The following TNS1 variants were observed in gnomAD, a reference collection of about 807,000 sequenced individuals.
TNS1 encodes tensin-1.
TNS1 carries 62 observed loss-of-function variants against 168.6 expected under a neutral mutation model. The observed-to-expected ratio is 0.37, with a 90% CI of 0.30 to 0.45. The LOEUF is 0.45. Ranked by LOEUF, TNS1 falls within the 20% of genes least tolerant of loss-of-function variation. TNS1 has a pLI of 1.00. For synonymous variants in TNS1, 934 were observed against 933.2 expected, an observed-to-expected ratio of 1.00 and a Z score of -0.02; for missense variants, 2,240 against 2,339.4, an observed-to-expected ratio of 0.96 and a Z score of 0.88.
intron 31 of TNS1, 47 bp downstream of exon 31, chr2:217,808,556 A>C (rs1259871532): frequency 6.5e-7 from 1 of 1,532,204 alleles, no homozygotes; most frequent in Non-Finnish European, 9.0e-7. Context: ...CACAGACGTC[A>C]GTGTTAGAAA....
chr2:217,983,562 C>G (rs980515469), intron 2 of TNS1, among the ~76,000 whole-genome samples: 3 of 152,324 alleles, frequency 2.0e-5, no homozygotes, highest in Non-Finnish European at 4.4e-5. Flanking sequence ...GCTGGGCTGC[C>G]GGTACTCTGT....
At chr2:217,911,914 C>G (rs1163600866) in intron 4 of TNS1, among the ~76,000 whole-genome samples, 1 of 152,222 alleles carries the variant, frequency 6.6e-6, no homozygotes, top group Non-Finnish European at 1.5e-5. Context: ...AACCATACTT[C>G]CACAGAAAGA....
rs954815550 is a variant in TNS1, at chr2:217,800,048, G to A, written c.*4411C>T. The A allele has an allele frequency of 3.3e-5, 5 of 152,256 alleles. No homozygotes were observed. Among genetic ancestry groups the A allele is most frequent in the Non-Finnish European group, 2.9e-5 (2 of 68,040 alleles). The allele number at this position is 152,256 out of a possible 1,614,324, so 9.4% of individuals were successfully genotyped here. ...CTTGTTTCCCCCGCAGAGGGCCTGG[G>A]AGGCAGGGAGGGTGGTGGGAAGGGA... On this transcript the variant is annotated 3_prime_UTR_variant, in exon 33 of 33. Transcript: ENST00000682258.
chr2:217,938,747 A>G (rs898513920), intron 3 of TNS1, among the ~76,000 whole-genome samples: 2 of 152,176 alleles, frequency 1.3e-5, no homozygotes, highest in Non-Finnish European at 2.9e-5. Flanking sequence ...GCTGGTTTAT[A>G]ATAATGCATC....
At chr2:218,009,511 C>T (rs1222639024) in intron 1 of TNS1, among the ~76,000 whole-genome samples, 1 of 151,728 alleles carries the variant, frequency 6.6e-6, no homozygotes, top group East Asian at 1.9e-4. Flanking sequence ...GACCCCTGCT[C>T]CCGCCCCCAG....
chr2:217,896,137 G>C (rs1447691461), intron 8 of TNS1, among the ~76,000 whole-genome samples: 1 of 152,226 alleles, frequency 6.6e-6, no homozygotes, highest in Non-Finnish European at 1.5e-5. Flanking sequence ...AGAAGCTAGG[G>C]CTTAGTGAGG....
chr2:217,830,441 C>A (rs1006110002), intron 22 of TNS1: 5 of 1,604,238 alleles, frequency 3.1e-6, no homozygotes, highest in Non-Finnish European at 4.3e-6. Flanking sequence ...AGCCCTAAAA[C>A]CAGAGTCCAG....
At chr2:217,893,621 C>T (rs1296277151) in intron 9 of TNS1, 60 bp from the exon 10 acceptor site, 24 of 1,540,308 alleles carry the variant, frequency 1.6e-5, no homozygotes, top group Admixed American at 3.9e-5. Context: ...AACAAGCCAG[C>T]GGGAGCCACC....
At chr2:217,829,773 C>T in intron 22 of TNS1, 2 of 1,533,662 alleles carry the variant, frequency 1.3e-6, no homozygotes, top group South Asian at 1.1e-5. Flanking sequence ...TCCAGCCAGC[C>T]TCTTCAAGCC....
intron 4 of TNS1, among the ~76,000 whole-genome samples, chr2:217,918,440 C>T (rs1389175816): frequency 6.6e-6 from 1 of 152,204 alleles, no homozygotes; most frequent in Non-Finnish European, 1.5e-5. Context: ...CCAGCCTCCT[C>T]GAAGGGCAGA....
rs563388528 is a variant in TNS1, at chr2:217,980,214, C to A, written c.149-1412G>T. Reference sequence around the variant, plus strand: ...GCTGAGCAAGGTTTTCCTGACCCCACCAGCCACCCAGCCTAGCTCAGGGAC... The same window carrying A: ...GCTGAGCAAGGTTTTCCTGACCCCAACAGCCACCCAGCCTAGCTCAGGGAC... On this transcript the variant is annotated intron_variant, in intron 2 of 32. Transcript: ENST00000682258. 2.6e-5 allele frequency among the ~76,000 whole-genome samples: 4 copies of A among 152,260 alleles called. 1 individual carries two copies. The South Asian group carries it at 8.3e-4, about 32-fold the overall frequency.
In TNS1 at chr2:217,926,880, C is replaced by A. The variant is rs192852470; in HGVS notation, c.187-6644G>T. On this transcript the variant is annotated intron_variant, in intron 3 of 32. Transcript: ENST00000682258. ...CACCCAGGTCTGCTGGATTCAAACA[C>A]CTGCCTTGCCCCACCTGTCACGCTG... Among the ~76,000 whole-genome samples, 20 of 152,348 alleles carry A rather than the reference C, an allele frequency of 1.3e-4. No individual in the cohort carries two copies. The East Asian group carries it at 3.7e-3, about 28-fold the overall frequency.
intron 1 of TNS1, among the ~76,000 whole-genome samples, chr2:218,029,120 A>G (rs889707512): frequency 6.6e-6 from 1 of 152,254 alleles, no homozygotes; most frequent in Non-Finnish European, 1.5e-5. Context: ...CTGCCCCCAG[A>G]GAGTGAGTAA....
intron 3 of TNS1, among the ~76,000 whole-genome samples, chr2:217,962,179 C>G (rs1957513078): frequency 6.6e-6 from 1 of 152,226 alleles, no homozygotes; most frequent in Non-Finnish European, 1.5e-5. Context: ...TGAGGTGACT[C>G]ACGCCTATAA....
rs1958193580 is a variant in TNS1 at position 217,986,422 on chromosome 2, C to T, written c.148+4520G>A. Among the ~76,000 whole-genome samples, 1 of 152,224 alleles carries T rather than the reference C, an allele frequency of 6.6e-6. No homozygotes were observed. The highest frequency in any genetic ancestry group is 1.5e-5 in the Non-Finnish European group (1 of 68,042). ...AGGCATTGAGAAGTGAAGTTTTATC[C>T]AAGTCTGGGCCCCAGATCAGGCCCT... On this transcript the variant is annotated intron_variant, in intron 2 of 32. Coordinates refer to ENST00000682258, the MANE Select transcript of TNS1 (RefSeq NM_001387777.1). This position sits in a 1 kb window ranked among gnomAD's most constrained non-coding sequence, Gnocchi z 4.7.
At chr2:217,970,075 C>T (rs959808784) in intron 3 of TNS1, among the ~76,000 whole-genome samples, 2 of 152,032 alleles carry the variant, frequency 1.3e-5, no homozygotes, top group Non-Finnish European at 2.9e-5. Flanking sequence ...TAGGCCACCA[C>T]GTGAAGACAG....
intron 12 of TNS1, among the ~76,000 whole-genome samples, chr2:217,888,457 C>T (rs1027681054): frequency 2.0e-5 from 3 of 152,178 alleles, no homozygotes; most frequent in African/African-American, 4.8e-5. Flanking sequence ...CAGGCAGACA[C>T]GCCCCAACTG....
intron 2 of TNS1, among the ~76,000 whole-genome samples, chr2:217,989,781 G>A (rs1958305362): frequency 6.6e-6 from 1 of 152,004 alleles, no homozygotes; most frequent in Admixed American, 6.5e-5. Context: ...CCAGTGCCAA[G>A]CACATGCCAC....
chr2:217,805,488 A>ACACACCG (rs1559131763), intron 32 of TNS1, among the ~76,000 whole-genome samples: 5,137 of 24,260 alleles, frequency 0.21, 141 homozygotes, highest in East Asian at 0.32. Context: ...CACACACCAC[A>ACACACCG]CACACACCAC....
Sources: gnomAD v4.1 joint callset for allele counts (sites outside exome capture counted in the v4.1 genomes callset) on GRCh38, gnomAD v4.1.1 for gene constraint, Gnocchi (gnomAD v3.1) non-coding constraint, MANE v1.5 for transcripts, NCBI Gene and HGNC (gene_info 2026-07-23, HGNC 2026-07-21) for gene names.